Variants in MYO10 observed in about 807,000 individuals in gnomAD.
MYO10 encodes myosin X, also known as unconventional myosin-X.
Under a neutral mutation model 257.3 loss-of-function variants are expected in MYO10, and 133 were observed. That is an observed-to-expected ratio of 0.52 (90% CI 0.45 to 0.60). The LOEUF is 0.60. MYO10 is among the 20% of genes least tolerant of loss of function. MYO10 has a pLI of 0.00. For synonymous variants in MYO10, 1,104 were observed against 1,028.6 expected, an observed-to-expected ratio of 1.07 and a Z score of -1.40; for missense variants, 2,399 against 2,635.7, an observed-to-expected ratio of 0.91 and a Z score of 1.97.
At chr5:16,865,597 G>A (rs1473753042) in intron 2 of MYO10, among the ~76,000 whole-genome samples, 1 of 152,094 alleles carries the variant, frequency 6.6e-6, no homozygotes, top group East Asian at 1.9e-4. Context: ...GATCACCTGA[G>A]GTCAGGAGTT....
rs188348230 is a variant in MYO10 at position 16,747,855 on chromosome 5, C to G, written c.1929+6973G>C. 2.3e-5 allele frequency among the ~76,000 whole-genome samples: 3 copies of G among 131,300 alleles called. No individual in the cohort carries two copies. The East Asian group carries it at 7.9e-4, about 35-fold the overall frequency. The allele number at this position is 131,300 out of a possible 152,430, so 86.1% of individuals were successfully genotyped here. A position where few individuals can be genotyped will look rare whatever the true frequency, so the allele number is the denominator to read the frequency against. On this transcript the variant is annotated intron_variant, in intron 19 of 40. Coordinates refer to ENST00000513610, the MANE Select transcript of MYO10 (RefSeq NM_012334.3). ...AATCACTTGAACCCTGGAGGCGGAGCTTGCAGTGAGCCGAGATCGTGCCAC... is the reference window on the plus strand; with the variant it reads ...AATCACTTGAACCCTGGAGGCGGAGGTTGCAGTGAGCCGAGATCGTGCCAC...
At chr5:16,914,837 T>C (rs1000652892) in intron 1 of MYO10, among the ~76,000 whole-genome samples, 4 of 152,354 alleles carry the variant, frequency 2.6e-5, no homozygotes, top group African/African-American at 9.6e-5. Context: ...ACACAAGCTC[T>C]GGGGGAGCCA....
chr5:16,703,880 CAAAAAAAAAAAAA>C (rs55980169), intron 22 of MYO10, among the ~76,000 whole-genome samples: 1,706 of 77,056 alleles, frequency 0.022, 37 homozygotes, highest in African/African-American at 0.071. Flanking sequence ...GACTCTGTCT[CAAAAAAAAAAAAA>C]AAAAAAAAAA....
rs1035813133 is a variant in MYO10, at chr5:16,932,002, A to G, written c.21+3786T>C. Among the ~76,000 whole-genome samples, 4 of 152,234 alleles carry G rather than the reference A, an allele frequency of 2.6e-5. No individual in the cohort carries two copies. The East Asian group carries it at 7.7e-4, about 29-fold the overall frequency. On this transcript the variant is annotated intron_variant, in intron 1 of 40. Transcript: ENST00000513610. The stretch of plus-strand genomic sequence containing the variant: ...CTATTTGAACAACTCCAGATAACCA[A>G]CCACAACCACAGTCCCTTGTCAAGT...
chr5:16,916,851 T>C (rs1745835463), intron 1 of MYO10, among the ~76,000 whole-genome samples: 1 of 152,222 alleles, frequency 6.6e-6, no homozygotes, highest in Non-Finnish European at 1.5e-5. Flanking sequence ...TCTTGCATTA[T>C]CAGGGTTGGT....
chr5:16,847,329 C>A (rs1261938279), intron 2 of MYO10, among the ~76,000 whole-genome samples: 1 of 150,764 alleles, frequency 6.6e-6, no homozygotes, highest in Non-Finnish European at 1.5e-5. Context: ...GAGGCTGAGG[C>A]AGGAGAATGG....
rs1426448344 is a variant in MYO10, at chr5:16,701,042, G to A, written c.3353C>T (p.Ser1118Phe). 4 of 1,565,228 alleles carry A rather than the reference G, an allele frequency of 2.6e-6. No homozygotes were observed. Among genetic ancestry groups the A allele is most frequent in the Non-Finnish European group, 3.5e-6 (4 of 1,155,280 alleles). Residue 1118 changes from serine (S) to phenylalanine (F), a missense_variant, in exon 25 of 41, where the codon TCC (serine) becomes TTC (phenylalanine). Ser to Phe is a radical substitution (Grantham distance 155). This residue lies in a region of MYO10 where 1,820 missense variants were observed against 1,939.4 expected (regional missense o/e 0.94). Transcript: ENST00000513610. The surrounding 1 kb of genome is among the most constrained non-coding windows in gnomAD (Gnocchi z 8.1). Reference protein sequence around the residue: ...TFSNSYGSQWSPDYRCSVGTY... With the variant: ...TFSNSYGSQWFPDYRCSVGTY... ...CCCCACAGAGCAGCGGTAGTCGGGG[G>A]ACCACTGGCTGCCGTAGGAGTTGGA...
intron 19 of MYO10, among the ~76,000 whole-genome samples, chr5:16,727,875 CAA>C (rs527975903): frequency 0.036 from 3,425 of 93,912 alleles, 150 homozygotes; most frequent in African/African-American, 0.11. Flanking sequence ...CCCCCCAGCC[CAA>C]AAAAAAAAAA....
intron 3 of MYO10, among the ~76,000 whole-genome samples, chr5:16,796,277 A>G (rs1193844618): frequency 6.7e-6 from 1 of 149,546 alleles, no homozygotes; most frequent in Non-Finnish European, 1.5e-5. Context: ...GAAAGAAGGA[A>G]AGAAAGAAAG....
At chr5:16,749,735 G>T (rs970326757) in intron 19 of MYO10, among the ~76,000 whole-genome samples, 1 of 152,208 alleles carries the variant, frequency 6.6e-6, no homozygotes, top group East Asian at 1.9e-4. Flanking sequence ...AAACAGGGAG[G>T]AGAGCCAGCC....
At chr5:16,780,781 A>G in intron 6 of MYO10, 40 bp from the exon 7 acceptor site, 1 of 1,552,258 alleles carries the variant, frequency 6.4e-7, no homozygotes, top group Non-Finnish European at 8.7e-7. Context: ...GAAAAAAACA[A>G]AGCTATGTGC....
intron 18 of MYO10, among the ~76,000 whole-genome samples, chr5:16,756,012 G>A (rs1740518512): frequency 6.6e-6 from 1 of 151,988 alleles, no homozygotes; most frequent in Non-Finnish European, 1.5e-5. Flanking sequence ...ATGTGCAATG[G>A]TCTCACATTT....
intron 1 of MYO10, among the ~76,000 whole-genome samples, chr5:16,897,820 C>A (rs1236983580): frequency 6.6e-6 from 1 of 152,184 alleles, no homozygotes; most frequent in Non-Finnish European, 1.5e-5. Flanking sequence ...GTTTAAAATG[C>A]AAGAGTATCC....
intron 24 of MYO10, 48 bp downstream of exon 24, chr5:16,702,495 G>A: frequency 2.0e-6 from 3 of 1,527,592 alleles, no homozygotes; most frequent in Non-Finnish European, 2.7e-6. Context: ...ATTAGAAGTG[G>A]GAAGGAAGTA....
At chr5:16,782,852 G>A (rs536050252) in intron 5 of MYO10, among the ~76,000 whole-genome samples, 4 of 152,080 alleles carry the variant, frequency 2.6e-5, no homozygotes, top group Non-Finnish European at 4.4e-5. Context: ...TTCCACACAC[G>A]AGAGGCCCGT....
At chr5:16,869,692 G>A (rs998209788) in intron 2 of MYO10, among the ~76,000 whole-genome samples, 1 of 150,006 alleles carries the variant, frequency 6.7e-6, no homozygotes, top group African/African-American at 2.5e-5. Context: ...TGGCAAAAGC[G>A]CATCTCTACT....
In MYO10 at chr5:16,672,294, C is replaced by CAAAAA. The variant is rs10684695; in HGVS notation, c.5309+390_5309+394dup. 5.1e-4 allele frequency among the ~76,000 whole-genome samples: 62 copies of CAAAAA among 122,266 alleles called. 6 individuals carry two copies. The highest frequency in any genetic ancestry group is 4.3e-3 in the Middle Eastern group (1 of 230). 80.2% of individuals were successfully genotyped at this position (122,266 alleles called of 152,430 possible). On this transcript the variant is annotated intron_variant, in intron 37 of 40. Coordinates refer to ENST00000513610, the MANE Select transcript of MYO10 (RefSeq NM_012334.3). The stretch of plus-strand genomic sequence containing the variant: ...TGGGCAACAGAGCAAGACTCCATCT[C>CAAAAA]AAAAAAAAAAAAAAGTAGGTCCATT...
chr5:16,901,631 A>G (rs535782718), intron 1 of MYO10, among the ~76,000 whole-genome samples: 1 of 152,268 alleles, frequency 6.6e-6, no homozygotes, highest in African/African-American at 2.4e-5. Context: ...ATTTATAGAA[A>G]CCAATAATAA....
At chr5:16,835,856 C>T (rs1178840379) in intron 2 of MYO10, among the ~76,000 whole-genome samples, 1 of 151,720 alleles carries the variant, frequency 6.6e-6, no homozygotes, top group Non-Finnish European at 1.5e-5. Flanking sequence ...TAATATCATG[C>T]TCTGGGAGAG....
Sources: allele counts gnomAD v4.1 joint callset (sites outside exome capture counted in the v4.1 genomes callset), GRCh38; gene constraint gnomAD v4.1.1; regional missense constraint gnomAD v4.1.1; non-coding constraint Gnocchi (gnomAD v3.1); transcripts MANE v1.5; gene names NCBI Gene and HGNC (gene_info 2026-07-23, HGNC 2026-07-21).